DIPK1A: variants seen among roughly 807,000 people sequenced by gnomAD.
DIPK1A encodes family with sequence similarity 69 member A.
In DIPK1A, 27 loss-of-function variants were observed where a neutral mutation model predicts 40.8. The ratio of observed to expected loss-of-function variants is 0.66; its 90% confidence interval spans 0.49 to 0.91. The LOEUF is 0.91. DIPK1A is among the 40% of genes least tolerant of loss of function. DIPK1A has a pLI of 0.00. For synonymous variants in DIPK1A, 166 were observed against 171.3 expected (o/e 0.97, Z 0.24); for missense variants, 412 against 505.7 (o/e 0.81, Z 1.78).
intron 1 of DIPK1A, chr1:92,876,816 A>T: frequency 4.7e-6 from 1 of 214,168 alleles, no homozygotes; most frequent in Non-Finnish European, 8.1e-6. Flanking sequence ...AGAATCTTAA[A>T]GGTCTTTAGG....
chr1:92,947,409 A>G (rs552020342), intron 1 of DIPK1A, among the ~76,000 whole-genome samples: 41 of 152,352 alleles, frequency 2.7e-4, no homozygotes, highest in African/African-American at 9.9e-4. Flanking sequence ...ATCTCACCCC[A>G]GTTAGAATGG....
At chr1:92,961,163 C>A (rs375092305) in intron 1 of DIPK1A, among the ~76,000 whole-genome samples, 1 of 135,188 alleles carries the variant, frequency 7.4e-6, no homozygotes, top group South Asian at 2.6e-4. Flanking sequence ...GGCCGCGGCG[C>A]GGGAGCCGCG....
intron 1 of DIPK1A, among the ~76,000 whole-genome samples, chr1:92,921,637 C>A (rs1650272640): frequency 6.6e-6 from 1 of 152,144 alleles, no homozygotes; most frequent in Non-Finnish European, 1.5e-5. Flanking sequence ...AGTGGAAGTA[C>A]TGTCTGGAGA....
chr1:92,948,329 A>G (rs1651452175), intron 1 of DIPK1A, among the ~76,000 whole-genome samples: 1 of 152,186 alleles, frequency 6.6e-6, no homozygotes, highest in South Asian at 2.1e-4. Context: ...CAAATGGTAC[A>G]TGAGGTGGTG....
At chr1:92,893,090 C>G (rs535166927) in intron 1 of DIPK1A, among the ~76,000 whole-genome samples, 5 of 151,956 alleles carry the variant, frequency 3.3e-5, no homozygotes, top group Admixed American at 3.3e-4. Context: ...AGGATATTAT[C>G]GAGGAGAACT....
intron 1 of DIPK1A, among the ~76,000 whole-genome samples, chr1:92,949,586 T>C (rs1410167480): frequency 6.6e-6 from 1 of 152,192 alleles, no homozygotes; most frequent in Non-Finnish European, 1.5e-5. Flanking sequence ...AATAATTTCT[T>C]TCAGTACTCA....
chr1:92,876,493 G>A (rs1158798126), intron 1 of DIPK1A, 63 bp from the exon 2 acceptor site: 1 of 1,547,142 alleles, frequency 6.5e-7, no homozygotes, highest in African/African-American at 1.4e-5. Context: ...CAATGTCCTA[G>A]AACACGACTT....
chr1:92,915,083 C>CAAAA (rs10583235), intron 1 of DIPK1A, among the ~76,000 whole-genome samples: 4 of 80,078 alleles, frequency 5.0e-5, no homozygotes, highest in African/African-American at 1.1e-4. Flanking sequence ...GCAAGACTGT[C>CAAAA]AAAAAAAAAA....
chr1:92,957,976 C>A (rs1339838941), intron 1 of DIPK1A, among the ~76,000 whole-genome samples: 1 of 152,120 alleles, frequency 6.6e-6, no homozygotes, highest in South Asian at 2.1e-4. Flanking sequence ...TGAAATAATA[C>A]GTGATCTTTT....
chr1:92,866,722 T>C (rs1383389340), intron 2 of DIPK1A, among the ~76,000 whole-genome samples: 1 of 152,192 alleles, frequency 6.6e-6, no homozygotes, highest in Non-Finnish European at 1.5e-5. Flanking sequence ...ATTCTACCAG[T>C]TGAAGGGCCT....
At chr1:92,939,193 C>T (rs577955146) in intron 1 of DIPK1A, among the ~76,000 whole-genome samples, 2 of 152,168 alleles carry the variant, frequency 1.3e-5, no homozygotes, top group East Asian at 1.9e-4. Context: ...TGAGTCACCA[C>T]GCCTGGCCTT....
chr1:92,879,210 C>T (rs1395397289), intron 1 of DIPK1A, among the ~76,000 whole-genome samples: 1 of 151,934 alleles, frequency 6.6e-6, no homozygotes, highest in Non-Finnish European at 1.5e-5. Context: ...CAAATAATTA[C>T]AACACATGTA....
At chr1:92,856,751 A>C (rs1180531903) in intron 2 of DIPK1A, among the ~76,000 whole-genome samples, 7 of 152,148 alleles carry the variant, frequency 4.6e-5, no homozygotes, top group Non-Finnish European at 4.4e-5. Context: ...AAAAAAAGAA[A>C]AGGAAAAGAA....
intron 4 of DIPK1A, chr1:92,833,942 C>T (rs1326688796): frequency 9.9e-6 from 4 of 404,894 alleles, no homozygotes; most frequent in Non-Finnish European, 1.8e-5. Context: ...TTTGTCTTCA[C>T]AAAAAATGTA....
chr1:92,960,734 C>T (rs1652039636), intron 1 of DIPK1A, among the ~76,000 whole-genome samples: 1 of 152,208 alleles, frequency 6.6e-6, no homozygotes, highest in Admixed American at 6.5e-5. Context: ...AAAGCAAACA[C>T]CCATCCGCCT....
At chr1:92,857,767 G>C (rs1688034584) in intron 2 of DIPK1A, among the ~76,000 whole-genome samples, 2 of 152,150 alleles carry the variant, frequency 1.3e-5, no homozygotes, top group Admixed American at 1.3e-4. Context: ...GTTAAGAAGA[G>C]GGTAAGAAAT....
Position 92,834,831 on chromosome 1 carries a change from A to G in DIPK1A, c.475-1797T>C, listed in dbSNP as rs1199764996. 1 of 1,611,380 alleles carries G rather than the reference A, an allele frequency of 6.2e-7. No individual in the cohort carries two copies. Among genetic ancestry groups the G allele is most frequent in the Non-Finnish European group, 8.5e-7 (1 of 1,179,950 alleles). On this transcript the variant is annotated intron_variant, in intron 4 of 4. Transcript: ENST00000615519. ...ATGATAGTCTGCGCAGCGTATGCAC[A>G]CGAACTGCCAAAATATGGTGTGAAG...
At chr1:92,837,090 A>G (rs1182180443) in intron 4 of DIPK1A, 1 of 344,578 alleles carries the variant, frequency 2.9e-6, no homozygotes, top group African/African-American at 2.1e-5. Flanking sequence ...TGACAATTTC[A>G]TTAACTGTGA....
intron 1 of DIPK1A, among the ~76,000 whole-genome samples, chr1:92,924,413 A>G (rs1650399629): frequency 6.6e-6 from 1 of 151,924 alleles, no homozygotes; most frequent in African/African-American, 2.4e-5. Flanking sequence ...GTAGCACCCA[A>G]TTCTGTCGCT....
Sources: gnomAD v4.1 joint callset for allele counts (sites outside exome capture counted in the v4.1 genomes callset) on GRCh38, gnomAD v4.1.1 for gene constraint, MANE v1.5 for transcripts, NCBI Gene and HGNC (gene_info 2026-07-23, HGNC 2026-07-21) for gene names.